The following ATRNL1 variants were observed in gnomAD, a reference collection of about 807,000 sequenced individuals.
ATRNL1 encodes the protein attractin-like protein 1.
In ATRNL1, 95 loss-of-function variants were observed where a neutral mutation model predicts 182.7. The ratio of observed to expected loss-of-function variants is 0.52; its 90% CI spans 0.44 to 0.62. ATRNL1 has a LOEUF of 0.62. Among genes scored for constraint, ATRNL1 ranks in the 20% least tolerant of loss-of-function variants. The probability of loss-of-function intolerance (pLI) is 0.00; values close to 1 mark genes in which losing one functional copy is unlikely to be tolerated. For synonymous variants in ATRNL1, 576 were observed against 568.3 expected (o/e 1.01, Z -0.19); for missense variants, 1,471 against 1,679.5 (o/e 0.88, Z 2.17).
Position 115,546,149 on chromosome 10 carries a change from G to A in ATRNL1, c.3717-3309G>A, listed in dbSNP as rs373002141. 3.3e-5 allele frequency among the ~76,000 whole-genome samples: 5 copies of A among 152,248 alleles called. 1 individual carries two copies. Among genetic ancestry groups the A allele is most frequent in the African/African-American group, 1.2e-4 (5 of 41,542 alleles). On this transcript the variant is annotated intron_variant, in intron 25 of 28. Coordinates refer to ENST00000355044, the MANE Select transcript of ATRNL1 (RefSeq NM_207303.4). ...TTATTAATGGTTCAGCTTGGACATG[G>A]TAGGTTTGAGGTGATATTAATATTT...
At chr10:115,365,761 C>A (rs1348016983) in intron 19 of ATRNL1, among the ~76,000 whole-genome samples, 3 of 151,934 alleles carry the variant, frequency 2.0e-5, no homozygotes, top group Non-Finnish European at 4.4e-5. Flanking sequence ...TTTATTTCTG[C>A]CTTCATTTCG....
chr10:115,854,216 A>G (rs1275547199), intron 28 of ATRNL1, among the ~76,000 whole-genome samples: 1 of 152,250 alleles, frequency 6.6e-6, no homozygotes. Flanking sequence ...ATATTTGTCT[A>G]CAGCAGTAAT....
At chr10:115,690,989 G>T (rs1946377085) in intron 26 of ATRNL1, among the ~76,000 whole-genome samples, 1 of 152,128 alleles carries the variant, frequency 6.6e-6, no homozygotes, top group Admixed American at 6.5e-5. Context: ...CCTTCTCTGA[G>T]CTGGCTGCTG....
At chr10:115,730,582 T>G (rs1947766784) in intron 27 of ATRNL1, among the ~76,000 whole-genome samples, 2 of 152,170 alleles carry the variant, frequency 1.3e-5, no homozygotes. Flanking sequence ...TGTTTCTTAT[T>G]TCTTCCCAAG....
rs782442715 is a variant in ATRNL1, at chr10:115,487,567, GC to G, written c.3654+18239del. Among the ~76,000 whole-genome samples the G allele has an allele frequency of 1.2e-4, 19 of 152,150 alleles. No individual in the cohort carries two copies. In the East Asian group the frequency reaches 3.7e-3, roughly 29 times the overall value. On this transcript the variant is annotated intron_variant, in intron 24 of 28. Transcript: ENST00000355044. ...GTGTATAGGAATGCTTATGTTTTTT[GC>G]ACATTGATTTTGTATTCGGACACTT... is the stretch of plus-strand genomic sequence containing the variant.
At chr10:115,650,420 TAAGTC>T (rs1593008907) in intron 26 of ATRNL1, among the ~76,000 whole-genome samples, 1 of 152,234 alleles carries the variant, frequency 6.6e-6, no homozygotes, top group South Asian at 2.1e-4. Context: ...AAGACTTTCA[TAAGTC>T]AAGTTACTGG....
intron 26 of ATRNL1, among the ~76,000 whole-genome samples, chr10:115,682,754 A>T (rs1555045117): frequency 6.6e-6 from 1 of 152,104 alleles, no homozygotes; most frequent in African/African-American, 2.4e-5. Context: ...CACCAGTGGA[A>T]ATCTCCCTCT....
intron 20 of ATRNL1, among the ~76,000 whole-genome samples, chr10:115,396,268 G>A (rs782128092): frequency 2.6e-5 from 4 of 151,770 alleles, no homozygotes; most frequent in Non-Finnish European, 5.9e-5. Context: ...GGCCATTTTG[G>A]TCTTAAAACC....
chr10:115,098,820 C>T (rs1394232753), intron 1 of ATRNL1, among the ~76,000 whole-genome samples: 1 of 152,128 alleles, frequency 6.6e-6, no homozygotes, highest in Admixed American at 6.5e-5. Flanking sequence ...CCCTTATATA[C>T]TGCCCTAATA....
chr10:115,516,555 A>T (rs1488256549), intron 24 of ATRNL1, among the ~76,000 whole-genome samples: 1 of 151,892 alleles, frequency 6.6e-6, no homozygotes, highest in Non-Finnish European at 1.5e-5. Context: ...GAGTTAGATC[A>T]TGTCATTCCC....
intron 5 of ATRNL1, among the ~76,000 whole-genome samples, chr10:115,131,524 A>G (rs1023693403): frequency 5.9e-5 from 9 of 152,162 alleles, no homozygotes; most frequent in African/African-American, 2.2e-4. Flanking sequence ...GATTGTGAGC[A>G]AACTCATTTA....
At chr10:115,385,463 G>T (rs748283645) in intron 19 of ATRNL1, among the ~76,000 whole-genome samples, 2 of 152,024 alleles carry the variant, frequency 1.3e-5, no homozygotes, top group Non-Finnish European at 2.9e-5. Flanking sequence ...TCACATAGAA[G>T]ATCTCCCTCA....
chr10:115,579,643 A>G (rs1366227214), intron 26 of ATRNL1, among the ~76,000 whole-genome samples: 1 of 151,958 alleles, frequency 6.6e-6, no homozygotes, highest in Non-Finnish European at 1.5e-5. Flanking sequence ...ATAGATGAAT[A>G]TAGTTGAATC....
intron 19 of ATRNL1, among the ~76,000 whole-genome samples, chr10:115,384,399 A>G (rs1858212759): frequency 6.6e-6 from 1 of 151,986 alleles, no homozygotes; most frequent in South Asian, 2.1e-4. Context: ...CCCAAGGTGC[A>G]GCCAAATACT....
intron 24 of ATRNL1, among the ~76,000 whole-genome samples, chr10:115,514,379 T>A (rs779335734): frequency 1.6e-4 from 25 of 151,726 alleles, no homozygotes; most frequent in Non-Finnish European, 2.4e-4. Context: ...TATTTCAAGT[T>A]TTAGAATGTT....
chr10:115,515,962 G>A (rs2133690948), intron 24 of ATRNL1, among the ~76,000 whole-genome samples: 1 of 151,768 alleles, frequency 6.6e-6, no homozygotes, highest in African/African-American at 2.4e-5. Context: ...AAGCTCTAAT[G>A]ATGGGGTGGC....
rs376423509 is a variant in ATRNL1, at chr10:115,688,793, G to A, written c.3796-38455G>A. ...CACTCTGCTGATGGTTTCCTTTGCT[G>A]TGGAGAAACTTTTAAATTTAGTATT... On this transcript the variant is annotated intron_variant, in intron 26 of 28. Transcript: ENST00000355044. 1.9e-4 allele frequency among the ~76,000 whole-genome samples: 29 copies of A among 152,140 alleles called. No individual in the cohort carries two copies. In the East Asian group the frequency reaches 3.1e-3, roughly 16 times the overall value.
At chr10:115,256,747 C>T (rs530160132) in intron 10 of ATRNL1, among the ~76,000 whole-genome samples, 3 of 152,164 alleles carry the variant, frequency 2.0e-5, no homozygotes, top group Non-Finnish European at 4.4e-5. Context: ...GATTTTAGAT[C>T]TTTCCTGCCT....
intron 13 of ATRNL1, among the ~76,000 whole-genome samples, chr10:115,270,516 A>T (rs1851814816): frequency 6.6e-6 from 1 of 150,860 alleles, no homozygotes; most frequent in Admixed American, 6.7e-5. Context: ...AAGGATGAAA[A>T]GTCCCAGGAT....
Sources: gnomAD v4.1 joint callset for allele counts (sites outside exome capture counted in the v4.1 genomes callset) on GRCh38, gnomAD v4.1.1 for gene constraint, MANE v1.5 for transcripts, NCBI Gene and HGNC (gene_info 2026-07-23, HGNC 2026-07-21) for gene names.